The following DLGAP3 variants were observed in gnomAD, a reference collection of about 807,000 sequenced individuals.
DLGAP3 encodes DLG associated protein 3, also known as disks large-associated protein 3.
DLGAP3 carries 17 observed loss-of-function variants against 81.2 expected under a neutral mutation model. That is an observed-to-expected ratio of 0.21 (90% CI 0.14 to 0.31). DLGAP3 has a LOEUF of 0.31. DLGAP3 is among the 10% of genes least tolerant of loss of function. DLGAP3 has a pLI of 1.00. For missense variants in DLGAP3, 1,124 were observed against 1,388.0 expected, an observed-to-expected ratio of 0.81 and a Z score of 3.02; for synonymous variants, 577 against 587.4, an observed-to-expected ratio of 0.98 and a Z score of 0.26.
chr1:34,867,395 T>C lies in DLGAP3; in HGVS notation c.2577+141A>G, dbSNP rs1029638738. The stretch of plus-strand genomic sequence containing the variant: ...CTGGTCCTACCTCCAGGCACAAGAC[T>C]CACAGCTACCCCAGAAGGCATGCAG... On this transcript the variant is annotated intron_variant, in intron 10 of 11. Transcript: ENST00000373347. This position sits in a 1 kb window ranked among gnomAD's most constrained non-coding sequence, Gnocchi z 4.3. The C allele has an allele frequency of 9.5e-7, 1 of 1,049,434 alleles. No individual in the cohort carries two copies. The highest frequency in any genetic ancestry group is 1.6e-5 in the African/African-American group (1 of 64,372). The allele number at this position is 1,049,434 out of a possible 1,614,324, so 65.0% of individuals were successfully genotyped here. A position where few individuals can be genotyped will look rare whatever the true frequency, so the allele number is the denominator to read the frequency against.
At chr1:34,913,874 C>A (rs1473958588) in intron 1 of DLGAP3, among the ~76,000 whole-genome samples, 1 of 152,178 alleles carries the variant, frequency 6.6e-6, no homozygotes, top group Admixed American at 6.5e-5. Context: ...CAGCCTTGTT[C>A]ATGATGTTTG....
rs570724381 is a variant in DLGAP3, at chr1:34,871,196, G to A, written c.2001-2107C>T. On this transcript the variant is annotated intron_variant, in intron 8 of 11. Coordinates refer to ENST00000373347, the MANE Select transcript of DLGAP3 (RefSeq NM_001080418.3). ...CAACAAGACAAAGTTCAGACTTCCTGTACCAGCATTATCTGAGGCCCTGAT... is the reference window on the plus strand; with the variant it reads ...CAACAAGACAAAGTTCAGACTTCCTATACCAGCATTATCTGAGGCCCTGAT... 7.2e-5 allele frequency among the ~76,000 whole-genome samples: 11 copies of A among 152,182 alleles called. No homozygotes were observed. The East Asian group carries it at 1.9e-3, about 27-fold the overall frequency.
At chr1:34,870,134 T>C (rs1399584839) in intron 8 of DLGAP3, among the ~76,000 whole-genome samples, 1 of 152,120 alleles carries the variant, frequency 6.6e-6, no homozygotes, top group East Asian at 1.9e-4. Context: ...GGCCTGGAAA[T>C]TTCTTGTCTT....
chr1:34,923,904 C>G (rs1276621793), intron 1 of DLGAP3, among the ~76,000 whole-genome samples: 1 of 152,172 alleles, frequency 6.6e-6, no homozygotes, highest in East Asian at 1.9e-4. Flanking sequence ...CCCTGCCACA[C>G]CCAATTTTTG....
intron 8 of DLGAP3, among the ~76,000 whole-genome samples, chr1:34,879,881 G>A (rs1639120254): frequency 2.0e-5 from 3 of 151,956 alleles, no homozygotes; most frequent in Non-Finnish European, 4.4e-5. Context: ...AAAAAATATT[G>A]AAAGTTAGGG....
At chr1:34,921,860 G>C (rs1240537301) in intron 1 of DLGAP3, among the ~76,000 whole-genome samples, 1 of 152,148 alleles carries the variant, frequency 6.6e-6, no homozygotes, top group Non-Finnish European at 1.5e-5. Flanking sequence ...TCCCCGTGTT[G>C]GTATAGACAC....
chr1:34,870,085 C>A lies in DLGAP3; in HGVS notation c.2001-996G>T, dbSNP rs181312555. 3.1e-3 allele frequency among the ~76,000 whole-genome samples: 467 copies of A among 152,304 alleles called. 1 individual carries two copies. The highest frequency in any genetic ancestry group is 0.01 in the Middle Eastern group (3 of 294). On this transcript the variant is annotated intron_variant, in intron 8 of 11. Coordinates refer to ENST00000373347, the MANE Select transcript of DLGAP3 (RefSeq NM_001080418.3). ...CTGGCCAGACACAGTAAGTCAGTGC[C>A]AGTGGAGCTGAATTAAGTTGTTTGC... is the stretch of plus-strand genomic sequence containing the variant.
At chr1:34,881,302 T>C (rs991630096) in intron 8 of DLGAP3, among the ~76,000 whole-genome samples, 1 of 152,236 alleles carries the variant, frequency 6.6e-6, no homozygotes, top group Non-Finnish European at 1.5e-5. Context: ...CTTAGCTATG[T>C]AGTTTACACC....
At chr1:34,871,559 T>A (rs992643272) in intron 8 of DLGAP3, among the ~76,000 whole-genome samples, 7 of 152,198 alleles carry the variant, frequency 4.6e-5, no homozygotes, top group African/African-American at 1.7e-4. Context: ...TTACTTTGAA[T>A]GTTTTTGTGC....
intron 8 of DLGAP3, among the ~76,000 whole-genome samples, chr1:34,870,022 A>G (rs1638954742): frequency 6.6e-6 from 1 of 152,136 alleles, no homozygotes; most frequent in Admixed American, 6.5e-5. Context: ...TGCAGCTGGG[A>G]GGACTTCTCT....
chr1:34,877,481 C>T lies in DLGAP3; in HGVS notation c.2000+7497G>A, dbSNP rs148470006. ...TGCTTCAGCATGAAGGAAACTGAAC[C>T]AGGAGAAAGAAGAGGGCAGTAAAAA... On this transcript the variant is annotated intron_variant, in intron 8 of 11. Transcript: ENST00000373347. Among the ~76,000 whole-genome samples the T allele has an allele frequency of 4.2e-3, 643 of 152,200 alleles. 2 individuals carry two copies. Among genetic ancestry groups the T allele is most frequent in the Middle Eastern group, 0.02 (6 of 294 alleles).
At position 34,865,726 on chromosome 1, in the gene DLGAP3, A is replaced by T. The variant is rs544617327; in HGVS notation, c.*357T>A. 1 of 312,046 alleles carries T rather than the reference A, an allele frequency of 3.2e-6. No homozygotes were observed. The highest frequency in any genetic ancestry group is 5.2e-5 in the Admixed American group (1 of 19,174). The allele number at this position is 312,046 out of a possible 1,614,324, so 19.3% of individuals were successfully genotyped here. A position where few individuals can be genotyped will look rare whatever the true frequency, so the allele number is the denominator to read the frequency against. On this transcript the variant is annotated 3_prime_UTR_variant, in exon 12 of 12. Transcript: ENST00000373347. The stretch of plus-strand genomic sequence containing the variant: ...GAAGCCCAGCCCCGCGGGGTGGGGG[A>T]GGGGGGGACGCAGAGCCCAGATGAG...
chr1:34,911,085 G>A (rs902526094), intron 1 of DLGAP3, among the ~76,000 whole-genome samples: 2 of 143,550 alleles, frequency 1.4e-5, no homozygotes, highest in African/African-American at 5.2e-5. Flanking sequence ...GGCTAACTGA[G>A]CTCCCCAAGG....
intron 1 of DLGAP3, among the ~76,000 whole-genome samples, chr1:34,916,227 A>T (rs1175664641): frequency 6.6e-6 from 1 of 152,222 alleles, no homozygotes; most frequent in Non-Finnish European, 1.5e-5. Context: ...TAGAACCGCT[A>T]CAGCATGATG....
chr1:34,882,872 C>A (rs1639165989), intron 8 of DLGAP3, among the ~76,000 whole-genome samples: 3 of 152,170 alleles, frequency 2.0e-5, no homozygotes, highest in African/African-American at 4.8e-5. Flanking sequence ...CCACTCCACA[C>A]CAGCCACATG....
intron 1 of DLGAP3, among the ~76,000 whole-genome samples, chr1:34,917,772 CT>C (rs1195373438): frequency 2.6e-5 from 4 of 152,220 alleles, no homozygotes; most frequent in African/African-American, 9.6e-5. Flanking sequence ...GCACCCACAT[CT>C]GCTCAAGGTC....
At chr1:34,898,878 C>T (rs923358882) in intron 5 of DLGAP3, among the ~76,000 whole-genome samples, 7 of 152,154 alleles carry the variant, frequency 4.6e-5, no homozygotes, top group Non-Finnish European at 1.0e-4. Context: ...CTTGTGTTTG[C>T]ATACATTTTC....
At chr1:34,878,492 A>G (rs895683988) in intron 8 of DLGAP3, among the ~76,000 whole-genome samples, 2 of 152,148 alleles carry the variant, frequency 1.3e-5, no homozygotes, top group African/African-American at 2.4e-5. Context: ...AAAGCAGCCT[A>G]TTTAATATTA....
In DLGAP3 at chr1:34,907,341, C is replaced by G. The variant is rs548994485; in HGVS notation, c.-52+14G>C. 1 of 152,762 alleles carries G rather than the reference C, an allele frequency of 6.5e-6. No individual in the cohort carries two copies. Among genetic ancestry groups the G allele is most frequent in the African/African-American group, 2.4e-5 (1 of 41,554 alleles). The allele number at this position is 152,762 out of a possible 1,614,324, so 9.5% of individuals were successfully genotyped here. On this transcript the variant is annotated intron_variant, in intron 2 of 11. Coordinates refer to ENST00000373347, the MANE Select transcript of DLGAP3 (RefSeq NM_001080418.3). ...GAGTCTAATCCCCATCTCCCAGACTCTTCTATCACTCACCATCCAGGGTGT... is the reference window on the plus strand; with the variant it reads ...GAGTCTAATCCCCATCTCCCAGACTGTTCTATCACTCACCATCCAGGGTGT...
Sources: gnomAD v4.1 joint callset for allele counts (sites outside exome capture counted in the v4.1 genomes callset) on GRCh38, gnomAD v4.1.1 for gene constraint, Gnocchi (gnomAD v3.1) non-coding constraint, MANE v1.5 for transcripts, NCBI Gene and HGNC (gene_info 2026-07-23, HGNC 2026-07-21) for gene names.